Variants in TTLL9 observed in about 807,000 individuals in gnomAD.
TTLL9 encodes the protein tubulin tyrosine ligase like 9, also known as probable tubulin polyglutamylase TTLL9.
TTLL9 carries 47 observed loss-of-function variants against 65.6 expected under a neutral mutation model. The ratio of observed to expected loss-of-function variants is 0.72; its 90% CI spans 0.57 to 0.91. TTLL9 has a LOEUF of 0.91. Ranked by LOEUF, TTLL9 falls within the 40% of genes least tolerant of loss-of-function variation. TTLL9 has a pLI of 0.00. For synonymous variants in TTLL9, 179 were observed against 204.8 expected, an observed-to-expected ratio of 0.87 and a Z score of 1.07; for missense variants, 537 against 568.8, an observed-to-expected ratio of 0.94 and a Z score of 0.57.
intron 10 of TTLL9, among the ~76,000 whole-genome samples, chr20:31,930,451 C>G (rs1447533332): frequency 1.3e-5 from 2 of 152,162 alleles, no homozygotes; most frequent in Non-Finnish European, 2.9e-5. Flanking sequence ...TTACTAGGAA[C>G]TTTGAGCTTT....
At chr20:31,889,625 A>G (rs979503961) in intron 3 of TTLL9, among the ~76,000 whole-genome samples, 2 of 151,554 alleles carry the variant, frequency 1.3e-5, no homozygotes, top group African/African-American at 2.4e-5. Flanking sequence ...GTTTCACCAT[A>G]TTGGCCAGAC....
intron 3 of TTLL9, among the ~76,000 whole-genome samples, chr20:31,891,228 G>C (rs2063303719): frequency 6.6e-6 from 1 of 152,158 alleles, no homozygotes; most frequent in Non-Finnish European, 1.5e-5. Flanking sequence ...ATTTTTGCCA[G>C]TCTGATGTGT....
At position 31,870,980 on chromosome 20, in the gene TTLL9, A is replaced by G; in HGVS notation, c.-6+31A>G. 2.6e-6 allele frequency: 2 copies of G among 771,108 alleles called. No homozygotes were observed. Among genetic ancestry groups the G allele is most frequent in the Non-Finnish European group, 4.6e-6 (2 of 431,016 alleles). 47.8% of individuals were successfully genotyped at this position (771,108 alleles called of 1,614,324 possible). The stretch of plus-strand genomic sequence containing the variant: ...TAATTCCTTCCGATACATCCTCTCC[A>G]CCCGTGCAGAGACACCCTACCAACC... On this transcript the variant is annotated intron_variant, in intron 1 of 14. Transcript: ENST00000535842. The surrounding 1 kb of genome is among the most constrained non-coding windows in gnomAD (Gnocchi z 6.6).
At chr20:31,905,607 T>C (rs2063544070) in intron 4 of TTLL9, among the ~76,000 whole-genome samples, 1 of 152,108 alleles carries the variant, frequency 6.6e-6, no homozygotes, top group Admixed American at 6.5e-5. Context: ...GATGTCCATC[T>C]CTGGACATCT....
At chr20:31,887,855 C>CCTCTTCTCTTCTCTTCTCTTTT (rs2063216163) in intron 3 of TTLL9, among the ~76,000 whole-genome samples, 1 of 114,926 alleles carries the variant, frequency 8.7e-6, no homozygotes, top group Non-Finnish European at 1.8e-5. Context: ...TATCTCCTCT[C>CCTCTTCTCTTCTCTTCTCTTTT]CTCTTCTCTT....
chr20:31,924,903 A>G, intron 8 of TTLL9, 106 bp from the exon 9 acceptor site: 2 of 1,258,688 alleles, frequency 1.6e-6, no homozygotes, highest in Admixed American at 2.0e-5. Context: ...CAGGAGCTTC[A>G]TGAAGGCGGG....
chr20:31,877,428 C>T (rs868534766), intron 2 of TTLL9, among the ~76,000 whole-genome samples: 18 of 152,150 alleles, frequency 1.2e-4, no homozygotes, highest in African/African-American at 3.9e-4. Flanking sequence ...CCACCGCGCC[C>T]GGCCTGGCAG....
chr20:31,944,142 T>A lies in TTLL9; in HGVS notation c.*1121T>A. Reference sequence around the variant, plus strand: ...CTCTAGACCTTCTGCCTTCAGAGCATGAGGACTTCTCCCACTCATCCCTGT... The same window carrying A: ...CTCTAGACCTTCTGCCTTCAGAGCAAGAGGACTTCTCCCACTCATCCCTGT... On this transcript the variant is annotated 3_prime_UTR_variant, in exon 15 of 15. Transcript: ENST00000535842. The A allele has an allele frequency of 3.7e-6, 1 of 269,726 alleles. No individual in the cohort carries two copies. The allele number at this position is 269,726 out of a possible 1,614,324, so 16.7% of individuals were successfully genotyped here.
At chr20:31,883,981 T>G in intron 2 of TTLL9, 1 of 455,674 alleles carries the variant, frequency 2.2e-6, no homozygotes, top group Non-Finnish European at 4.0e-6. Context: ...AGCATAAATA[T>G]TGAAAAGAAA....
chr20:31,889,968 CTCTCTCTTTCTTTCTTTCTTTCTT>C (rs1291956265), intron 3 of TTLL9, among the ~76,000 whole-genome samples: 15 of 129,820 alleles, frequency 1.2e-4, no homozygotes, highest in African/African-American at 4.4e-4. Flanking sequence ...CAAGCCACAT[CTCTCTCTTTCTTTCTTTCTTTCTT>C]TCTTTCTTTC....
chr20:31,924,161 C>T (rs2063856437), intron 8 of TTLL9, among the ~76,000 whole-genome samples: 1 of 152,118 alleles, frequency 6.6e-6, no homozygotes, highest in African/African-American at 2.4e-5. Flanking sequence ...CCACCCCGGG[C>T]CTGGCCACCA....
At chr20:31,911,831 C>CGCGTGT (rs1189084296) in intron 6 of TTLL9, among the ~76,000 whole-genome samples, 3 of 142,324 alleles carry the variant, frequency 2.1e-5, no homozygotes, top group African/African-American at 7.9e-5. Flanking sequence ...TGTGTCTGTG[C>CGCGTGT]GTGTGTGTGT....
At chr20:31,915,256 C>T (rs1302592118) in intron 6 of TTLL9, among the ~76,000 whole-genome samples, 9 of 152,176 alleles carry the variant, frequency 5.9e-5, no homozygotes, top group Non-Finnish European at 1.0e-4. Context: ...CTGAGGCGGG[C>T]GGATCACGAG....
Position 31,885,382 on chromosome 20 carries a change from G to A in TTLL9, c.70-1814G>A, listed in dbSNP as rs184257505. ...AAACACAGTCTCGAGATAGATCCAC[G>A]TATGCATGGTCAATTGAATTGTGAC... On this transcript the variant is annotated intron_variant, in intron 2 of 14. Transcript: ENST00000535842. 1.4e-4 allele frequency among the ~76,000 whole-genome samples: 21 copies of A among 152,056 alleles called. No homozygotes were observed. In the East Asian group the frequency reaches 2.7e-3, roughly 20 times the overall value.
intron 14 of TTLL9, chr20:31,939,644 CT>C: frequency 6.3e-6 from 1 of 159,110 alleles, no homozygotes; most frequent in South Asian, 1.8e-4. Context: ...TTGAATCCCT[CT>C]TTTCCCCTTG....
Position 31,926,084 on chromosome 20 carries a change from G to A in TTLL9, c.741G>A (p.Arg247=). 1 of 1,604,352 alleles carries A rather than the reference G, an allele frequency of 6.2e-7. No individual in the cohort carries two copies. The highest frequency in any genetic ancestry group is 8.5e-7 in the Non-Finnish European group (1 of 1,171,136). Residue 247 remains arginine, a synonymous_variant, in exon 10 of 15, where the codon AGG becomes AGA. Coordinates refer to ENST00000535842, the MANE Select transcript of TTLL9 (RefSeq NM_001008409.5). ...FAECLLWSGH[R]RQDVHLTNVA... ...AATGCCTGCTGTGGTCTGGGCACAG[G>A]AGACAGGGTATGAGATAGGTCTGGT...
chr20:31,927,644 T>A (rs995313218), intron 10 of TTLL9, among the ~76,000 whole-genome samples: 2 of 152,144 alleles, frequency 1.3e-5, no homozygotes, highest in Admixed American at 6.5e-5. Context: ...AATAGACACA[T>A]CAAAAGAAGT....
chr20:31,914,444 G>A (rs982061475), intron 6 of TTLL9, among the ~76,000 whole-genome samples: 7 of 152,168 alleles, frequency 4.6e-5, no homozygotes, highest in Non-Finnish European at 1.0e-4. Flanking sequence ...AGATAAGTAT[G>A]TACCCATGAA....
chr20:31,936,911 C>T (rs1019345841), intron 12 of TTLL9, among the ~76,000 whole-genome samples: 1 of 151,976 alleles, frequency 6.6e-6, no homozygotes, highest in Non-Finnish European at 1.5e-5. Context: ...GCTCGACCAA[C>T]ATGGTGAAAC....
Sources: gnomAD v4.1 joint callset for allele counts (sites outside exome capture counted in the v4.1 genomes callset) on GRCh38, gnomAD v4.1.1 for gene constraint, Gnocchi (gnomAD v3.1) non-coding constraint, MANE v1.5 for transcripts, NCBI Gene and HGNC (gene_info 2026-07-23, HGNC 2026-07-21) for gene names.